NR3C1: variants seen among roughly 807,000 people sequenced by gnomAD.
The protein encoded by NR3C1 is glucocorticoid receptor.
In NR3C1, 14 loss-of-function variants were observed where a neutral mutation model predicts 74.0. The observed-to-expected ratio is 0.19, with a 90% CI of 0.12 to 0.30. The LOEUF (loss-of-function observed/expected upper bound fraction) is 0.30. NR3C1 is among the 10% of genes least tolerant of loss of function. The probability of loss-of-function intolerance (pLI) is 1.00; values close to 1 mark genes in which losing one functional copy is unlikely to be tolerated. For synonymous variants in NR3C1, 308 were observed against 332.5 expected, an observed-to-expected ratio of 0.93 and a Z score of 0.80; for missense variants, 695 against 909.8, an observed-to-expected ratio of 0.76 and a Z score of 3.04.
At chr5:143,315,347 T>C (rs1415325315) in intron 2 of NR3C1, among the ~76,000 whole-genome samples, 1 of 152,146 alleles carries the variant, frequency 6.6e-6, no homozygotes, top group African/African-American at 2.4e-5. Context: ...AGCCTTCTGC[T>C]TGTAATTAGA....
intron 2 of NR3C1, among the ~76,000 whole-genome samples, chr5:143,369,987 T>C (rs1370416556): frequency 1.3e-5 from 2 of 152,192 alleles, no homozygotes; most frequent in African/African-American, 4.8e-5. Flanking sequence ...CTTCAAAATC[T>C]TGCAATCTTC....
chr5:143,338,984 C>T (rs1055116684), intron 2 of NR3C1, among the ~76,000 whole-genome samples: 1 of 151,738 alleles, frequency 6.6e-6, no homozygotes, highest in Admixed American at 6.6e-5. Flanking sequence ...AAATACTTAC[C>T]GATGTATTAG....
chr5:143,349,638 T>G lies in NR3C1; in HGVS notation c.1185-35470A>C, dbSNP rs73797550. ...TGCTTTCCTGCAGCTTTCATAGCCT[T>G]GTTTCCTAGTCTTGAAACTTACCCT... On this transcript the variant is annotated intron_variant, in intron 2 of 8. Coordinates refer to ENST00000394464, the MANE Select transcript of NR3C1 (RefSeq NM_000176.3). 5.0e-3 allele frequency among the ~76,000 whole-genome samples: 767 copies of G among 152,328 alleles called. 9 individuals are homozygous for G. The highest frequency in any genetic ancestry group is 0.017 in the African/African-American group (690 of 41,572).
intron 1 of NR3C1, among the ~76,000 whole-genome samples, chr5:143,410,611 C>A (rs1011018025): frequency 4.6e-5 from 7 of 152,210 alleles, no homozygotes; most frequent in African/African-American, 1.7e-4. Context: ...TTTTCTCAGC[C>A]TTGTTTTTCA....
intron 2 of NR3C1, among the ~76,000 whole-genome samples, chr5:143,368,571 A>AC (rs1833697258): frequency 6.7e-6 from 1 of 150,344 alleles, no homozygotes; most frequent in African/African-American, 2.4e-5. Context: ...ACACACACCG[A>AC]CAACTCAACA....
intron 2 of NR3C1, among the ~76,000 whole-genome samples, chr5:143,399,285 T>A (rs1293910780): frequency 6.6e-6 from 1 of 152,210 alleles, no homozygotes; most frequent in African/African-American, 2.4e-5. Flanking sequence ...TATAAGAACA[T>A]ATTCTAAAAC....
At chr5:143,358,772 T>C (rs1831651390) in intron 2 of NR3C1, among the ~76,000 whole-genome samples, 1 of 151,564 alleles carries the variant, frequency 6.6e-6, no homozygotes, top group South Asian at 2.1e-4. Context: ...TGGTGGCACA[T>C]GCCTGTAATC....
chr5:143,327,347 T>G (rs960858185), intron 2 of NR3C1, among the ~76,000 whole-genome samples: 2 of 152,032 alleles, frequency 1.3e-5, no homozygotes, highest in African/African-American at 4.8e-5. Context: ...ACCAGGTCCC[T>G]CCCCCAAAAC....
chr5:143,412,877 G>A (rs1423510235), intron 1 of NR3C1, among the ~76,000 whole-genome samples: 1 of 152,166 alleles, frequency 6.6e-6, no homozygotes, highest in Non-Finnish European at 1.5e-5. Context: ...ATTCAGTTTG[G>A]ATATGTTGTT....
chr5:143,381,090 C>T lies in NR3C1; in HGVS notation c.1184+18566G>A, dbSNP rs749386964. Among the ~76,000 whole-genome samples, 40 of 152,062 alleles carry T rather than the reference C, an allele frequency of 2.6e-4. 1 individual carries two copies. Among genetic ancestry groups the T allele is most frequent in the Non-Finnish European group, 2.1e-4 (14 of 67,980 alleles). ...AATATTAGAACAGATAAATTCAGTA[C>T]AGTTACAGGATACAAAATCAACATA... On this transcript the variant is annotated intron_variant, in intron 2 of 8. Transcript: ENST00000394464.
rs563248927 is a variant in NR3C1 at position 143,383,822 on chromosome 5, A to T, written c.1184+15834T>A. ...TATAAAGAAAAGTATAAACACTGCCAGGGGGAACTGTGACTTGCCATAATC... is the reference window on the plus strand; with the variant it reads ...TATAAAGAAAAGTATAAACACTGCCTGGGGGAACTGTGACTTGCCATAATC... On this transcript the variant is annotated intron_variant, in intron 2 of 8. Transcript: ENST00000394464. Among the ~76,000 whole-genome samples, 4 of 152,352 alleles carry T rather than the reference A, an allele frequency of 2.6e-5. No individual in the cohort carries two copies. The South Asian group carries it at 6.2e-4, about 24-fold the overall frequency.
chr5:143,388,029 T>C (rs1328095328), intron 2 of NR3C1, among the ~76,000 whole-genome samples: 2 of 152,136 alleles, frequency 1.3e-5, no homozygotes, highest in African/African-American at 2.4e-5. Context: ...AGTTCCTATA[T>C]TGACAATTTA....
At chr5:143,344,523 C>T (rs759081522) in intron 2 of NR3C1, among the ~76,000 whole-genome samples, 20 of 152,104 alleles carry the variant, frequency 1.3e-4, no homozygotes, top group Non-Finnish European at 2.4e-4. Context: ...AATAGCCATA[C>T]GGCAGGTCTT....
chr5:143,380,498 A>G (rs1006126456), intron 2 of NR3C1, among the ~76,000 whole-genome samples: 4 of 152,190 alleles, frequency 2.6e-5, no homozygotes, highest in African/African-American at 9.7e-5. Context: ...TAACTGGAGA[A>G]AAAAAGCAAT....
At chr5:143,355,468 C>T (rs1246010529) in intron 2 of NR3C1, among the ~76,000 whole-genome samples, 1 of 151,362 alleles carries the variant, frequency 6.6e-6, no homozygotes, top group African/African-American at 2.4e-5. Context: ...AGAGCAAGAC[C>T]CTGTCTTTAA....
chr5:143,323,641 TCTTAG>T (rs1823886400), intron 2 of NR3C1, among the ~76,000 whole-genome samples: 1 of 152,144 alleles, frequency 6.6e-6, no homozygotes, highest in African/African-American at 2.4e-5. Flanking sequence ...TCCCCCAAAG[TCTTAG>T]CTTATTTCAG....
intron 6 of NR3C1, among the ~76,000 whole-genome samples, chr5:143,297,626 T>C (rs548183188): frequency 2.0e-5 from 3 of 152,234 alleles, no homozygotes; most frequent in Non-Finnish European, 2.9e-5. Flanking sequence ...CTGTTTTCTA[T>C]ACAAACAGAA....
At chr5:143,289,700 A>T (rs769113285) in intron 7 of NR3C1, among the ~76,000 whole-genome samples, 2 of 152,204 alleles carry the variant, frequency 1.3e-5, no homozygotes, top group Non-Finnish European at 2.9e-5. Context: ...AATGGGCAAA[A>T]GATTAAAAGA....
chr5:143,426,621 A>G (rs1242668699), intron 1 of NR3C1, among the ~76,000 whole-genome samples: 3 of 152,244 alleles, frequency 2.0e-5, no homozygotes, highest in Admixed American at 6.5e-5. Context: ...TTAGTTGTCA[A>G]GACTCCTTTG....
Sources: allele counts gnomAD v4.1 joint callset (sites outside exome capture counted in the v4.1 genomes callset), GRCh38; gene constraint gnomAD v4.1.1; transcripts MANE v1.5; gene names NCBI Gene and HGNC (gene_info 2026-07-23, HGNC 2026-07-21).